KLF8: variants seen among roughly 807,000 people sequenced by gnomAD.
KLF8 encodes the protein Krueppel-like factor 8.
Under a neutral mutation model 18.2 loss-of-function variants are expected in KLF8, and 10 were observed. The ratio of observed to expected loss-of-function variants is 0.55; its 90% CI spans 0.34 to 0.93. The LOEUF (loss-of-function observed/expected upper bound fraction) is 0.93, where lower values mean the gene tolerates loss of function less well. KLF8 is among the 40% of genes least tolerant of loss of function. KLF8 has a pLI of 0.02. For missense variants in KLF8, 264 were observed against 277.9 expected (o/e 0.95, Z 0.36); for synonymous variants, 109 against 97.3 (o/e 1.12, Z -0.71).
the KLF8 span, among the ~76,000 whole-genome samples, chrX:56,031,393 G>A: frequency 8.9e-6 from 1 of 112,170 alleles, no homozygotes; most frequent in African/African-American, 3.2e-5. Context: ...GGCATGCTGT[G>A]GGTGGTCAGG....
the KLF8 span, among the ~76,000 whole-genome samples, chrX:56,102,881 C>T: frequency 9.5e-6 from 1 of 105,230 alleles, no homozygotes; most frequent in Non-Finnish European, 2.0e-5. Context: ...AGGTATATCT[C>T]CTAATGCTAT....
At chrX:56,178,384 C>T in the KLF8 span, among the ~76,000 whole-genome samples, 1 of 112,065 alleles carries the variant, frequency 8.9e-6, no homozygotes, top group East Asian at 2.8e-4. Context: ...TGGATATTAG[C>T]CTTTTGTCAC....
the KLF8 span, among the ~76,000 whole-genome samples, chrX:55,989,249 G>A: frequency 5.5e-4 from 62 of 111,747 alleles, 1 homozygote; most frequent in Admixed American, 1.6e-3. Flanking sequence ...GTTGAATAGG[G>A]GTGGTGAGAG....
chrX:56,197,170 T>C, the KLF8 span, among the ~76,000 whole-genome samples: 1 of 110,148 alleles, frequency 9.1e-6, no homozygotes, highest in Non-Finnish European at 1.9e-5. Context: ...CACCCTAACA[T>C]CACAGTTAAC....
At chrX:56,048,205 C>G in the KLF8 span, among the ~76,000 whole-genome samples, 1 of 111,451 alleles carries the variant, frequency 9.0e-6, no homozygotes, top group Non-Finnish European at 1.9e-5. Context: ...AATTTTCTCC[C>G]ATTCTGTAGG....
chrX:56,146,712 TA>T, the KLF8 span, among the ~76,000 whole-genome samples: 6,048 of 98,949 alleles, frequency 0.061, 378 homozygotes, highest in African/African-American at 0.19. Flanking sequence ...TAAAGTATAA[TA>T]AAAAAAAAAA....
intron 5 of KLF8, among the ~76,000 whole-genome samples, chrX:56,273,228 A>G (rs1403960177): frequency 9.0e-6 from 1 of 111,694 alleles, no homozygotes; most frequent in East Asian, 2.8e-4. Context: ...GTTACATGAG[A>G]TATTTTGATA....
At chrX:55,988,226 T>C in the KLF8 span, among the ~76,000 whole-genome samples, 111 of 111,308 alleles carry the variant, frequency 1.0e-3, no homozygotes, top group African/African-American at 3.6e-3. Context: ...TTTGTCAATT[T>C]TGGCTTTTGT....
At chrX:56,202,263 GT>G in the KLF8 span, among the ~76,000 whole-genome samples, 1 of 109,320 alleles carries the variant, frequency 9.1e-6, no homozygotes, top group African/African-American at 3.3e-5. Flanking sequence ...TTGTTTGTTT[GT>G]TGGGTTTTTT....
At chrX:56,270,723 C>T (rs964090060) in intron 5 of KLF8, among the ~76,000 whole-genome samples, 3 of 110,853 alleles carry the variant, frequency 2.7e-5, no homozygotes, top group Admixed American at 1.9e-4. Context: ...TTTTACTAAG[C>T]ATGGAAAAGC....
chrX:56,001,340 T>C, the KLF8 span, among the ~76,000 whole-genome samples: 1 of 112,202 alleles, frequency 8.9e-6, no homozygotes, highest in Non-Finnish European at 1.9e-5. Context: ...AGAGAATATC[T>C]GCATCTGCAC....
chrX:56,219,394 G>A, the KLF8 span, among the ~76,000 whole-genome samples: 1 of 111,502 alleles, frequency 9.0e-6, no homozygotes, highest in South Asian at 3.8e-4. Flanking sequence ...GGAGGGGTCT[G>A]TGCGGGCATA....
At chrX:56,233,458 CG>C (rs2066428151) in intron 1 of KLF8, 117 bp downstream of exon 1, 1 of 580,313 alleles carries the variant, frequency 1.7e-6, no homozygotes, top group South Asian at 2.6e-5. Context: ...GCAGTGGGGG[CG>C]GGAGCGGAAG....
the KLF8 span, among the ~76,000 whole-genome samples, chrX:55,950,502 C>T: frequency 8.9e-6 from 1 of 111,785 alleles, no homozygotes; most frequent in Non-Finnish European, 1.9e-5. Context: ...CAGTCTCCTC[C>T]TCTCTAAAGG....
At chrX:56,245,751 C>A (rs769927106) in intron 1 of KLF8, among the ~76,000 whole-genome samples, 5 of 112,347 alleles carry the variant, frequency 4.5e-5, no homozygotes, top group Admixed American at 9.4e-5. Flanking sequence ...TATACTATAA[C>A]CCCCTTTTGT....
At chrX:56,187,903 C>G in the KLF8 span, among the ~76,000 whole-genome samples, 25 of 111,837 alleles carry the variant, frequency 2.2e-4, no homozygotes, top group African/African-American at 8.1e-4. Context: ...TATGACAAAT[C>G]CACAGCCAGT....
intron 2 of KLF8, among the ~76,000 whole-genome samples, chrX:56,253,199 G>A (rs973189834): frequency 8.9e-6 from 1 of 111,966 alleles, no homozygotes; most frequent in Admixed American, 9.5e-5. Flanking sequence ...TTGCTTTGCA[G>A]AAGCTTTTTA....
At chrX:56,085,045 G>A in the KLF8 span, among the ~76,000 whole-genome samples, 1 of 111,860 alleles carries the variant, frequency 8.9e-6, no homozygotes, top group East Asian at 2.8e-4. Context: ...ATAAGGTTTT[G>A]AAATGATGAT....
chrX:55,984,063 A>G, the KLF8 span, among the ~76,000 whole-genome samples: 8 of 109,037 alleles, frequency 7.3e-5, no homozygotes, highest in African/African-American at 2.7e-4. Flanking sequence ...GTGTATATAT[A>G]ATCTATGGTA....
Sources: gnomAD v4.1 joint callset for allele counts (sites outside exome capture counted in the v4.1 genomes callset) on GRCh38, gnomAD v4.1.1 for gene constraint, MANE v1.5 for transcripts, NCBI Gene and HGNC (gene_info 2026-07-23, HGNC 2026-07-21) for gene names.